The following ZBTB41 variants were observed in gnomAD, a reference collection of about 807,000 sequenced individuals.
The protein encoded by ZBTB41 is zinc finger and BTB domain-containing protein 41.
ZBTB41 carries 42 observed loss-of-function variants against 87.6 expected under a neutral mutation model. That is an observed-to-expected ratio of 0.48 (90% CI 0.37 to 0.62). ZBTB41 has a LOEUF of 0.62. Ranked by LOEUF, ZBTB41 falls within the 20% of genes least tolerant of loss-of-function variation. The pLI, the probability that ZBTB41 is intolerant of heterozygous loss-of-function variation, is 0.00. For missense variants in ZBTB41, 799 were observed against 1,078.9 expected (o/e 0.74, Z 3.63); for synonymous variants, 364 against 364.0 (o/e 1.00, Z 0.00).
At chr1:197,196,779 A>T (rs1159059825) in intron 2 of ZBTB41, among the ~76,000 whole-genome samples, 1 of 152,056 alleles carries the variant, frequency 6.6e-6, no homozygotes, top group Non-Finnish European at 1.5e-5. Flanking sequence ...CCTTGAAACC[A>T]CTCACACTTG....
intron 2 of ZBTB41, among the ~76,000 whole-genome samples, chr1:197,196,904 C>T (rs1660177244): frequency 6.6e-6 from 1 of 151,922 alleles, no homozygotes; most frequent in Non-Finnish European, 1.5e-5. Flanking sequence ...CTCTGAGACA[C>T]TTCTCCTGAT....
chr1:197,172,038 G>T, intron 10 of ZBTB41, 122 bp downstream of exon 10: 1 of 357,934 alleles, frequency 2.8e-6, no homozygotes. Context: ...AATCTTAATG[G>T]GGAAAACCAA....
chr1:197,193,382 A>G (rs770061640), intron 2 of ZBTB41, among the ~76,000 whole-genome samples: 12 of 151,814 alleles, frequency 7.9e-5, no homozygotes, highest in Admixed American at 5.2e-4. Context: ...ACAAAAAAAC[A>G]AACAAAAAAA....
Position 197,199,865 on chromosome 1 carries a change from T to C in ZBTB41, c.609A>G (p.Leu203=), listed in dbSNP as rs751394444. The C allele has an allele frequency of 6.2e-7, 1 of 1,609,844 alleles. No individual in the cohort carries two copies. Among genetic ancestry groups the C allele is most frequent in the Admixed American group, 1.7e-5 (1 of 59,178 alleles). ...AGAATTTGCACTGATGATTATTTGA[T>C]AGTCTTCCAGTTAATTCATTTAGTG... The part of the protein sequence containing the change: ...EETLNELTGR[L]SNNHQCKFCS... The change falls in exon 2 of 11, where the codon CTA becomes CTG. Residue 203 remains leucine (L), a synonymous_variant. Coordinates refer to ENST00000367405, the MANE Select transcript of ZBTB41 (RefSeq NM_194314.3).
In ZBTB41 at chr1:197,155,859, T is replaced by G. The variant is rs1571640346; in HGVS notation, c.*3500A>C. On this transcript the variant is annotated 3_prime_UTR_variant, in exon 11 of 11. Transcript: ENST00000367405. ...ACTTAAATGTATGCAAAGACTACTA[T>G]CTTTACAGTTGGTTAAATCTTGCTG... The G allele has an allele frequency of 1.3e-5, 2 of 152,428 alleles. No individual in the cohort carries two copies. Among genetic ancestry groups the G allele is most frequent in the East Asian group, 3.9e-4 (2 of 5,180 alleles). 9.4% of individuals were successfully genotyped at this position (152,428 alleles called of 1,614,324 possible).
intron 4 of ZBTB41, among the ~76,000 whole-genome samples, chr1:197,189,092 G>A (rs1659956739): frequency 6.6e-6 from 1 of 152,148 alleles, no homozygotes; most frequent in Non-Finnish European, 1.5e-5. Context: ...ATCTTATGCA[G>A]ACTAAAATAC....
In ZBTB41 at chr1:197,159,621, T is replaced by C; in HGVS notation, c.2468A>G (p.Asp823Gly). The change falls in exon 11 of 11, where the codon GAC (aspartate) becomes GGC (glycine). Residue 823 changes from aspartate to glycine, a missense_variant. Physicochemically the swap from Asp to Gly is moderately conservative, Grantham distance 94. Around this residue, in one of 5 missense-constraint regions of ZBTB41, gnomAD observed 171 missense variants for 191.9 expected, o/e 0.89. Coordinates refer to ENST00000367405, the MANE Select transcript of ZBTB41 (RefSeq NM_194314.3). ...VPVQMPDTPS[D>G]LVRHTTTLPP... Reference sequence around the variant, plus strand: ...GAGTGTGGTAGTATGACGCACTAGGTCACTCGGAGTGTCAGGCATCTGAAC... The same window carrying C: ...GAGTGTGGTAGTATGACGCACTAGGCCACTCGGAGTGTCAGGCATCTGAAC... 1.2e-6 allele frequency: 2 copies of C among 1,613,962 alleles called. No individual in the cohort carries two copies. Among genetic ancestry groups the C allele is most frequent in the South Asian group, 1.1e-5 (1 of 91,076 alleles).
At chr1:197,172,908 T>G (rs1348548328) in intron 9 of ZBTB41, among the ~76,000 whole-genome samples, 1 of 152,112 alleles carries the variant, frequency 6.6e-6, no homozygotes, top group Admixed American at 6.6e-5. Flanking sequence ...ATTTTATACC[T>G]AAATTTAAAA....
intron 6 of ZBTB41, among the ~76,000 whole-genome samples, chr1:197,178,916 A>G (rs1659676946): frequency 1.3e-5 from 2 of 152,170 alleles, no homozygotes; most frequent in African/African-American, 2.4e-5. Context: ...ATTTATTGAA[A>G]AAATGTTTTA....
intron 6 of ZBTB41, among the ~76,000 whole-genome samples, chr1:197,178,713 A>G (rs1349731671): frequency 2.6e-5 from 4 of 152,114 alleles, no homozygotes; most frequent in African/African-American, 9.7e-5. Flanking sequence ...AAAACAAAAA[A>G]TACTTCGGCC....
At chr1:197,194,020 C>T (rs992976469) in intron 2 of ZBTB41, among the ~76,000 whole-genome samples, 2 of 151,794 alleles carry the variant, frequency 1.3e-5, no homozygotes, top group African/African-American at 4.8e-5. Flanking sequence ...ATCTTCTCAT[C>T]TTTCTTTCTT....
At chr1:197,171,268 C>CT (rs1187289730) in intron 10 of ZBTB41, among the ~76,000 whole-genome samples, 1 of 152,002 alleles carries the variant, frequency 6.6e-6, no homozygotes, top group Admixed American at 6.6e-5. Flanking sequence ...CAAATTATGC[C>CT]TTTTTTTATT....
chr1:197,181,016 A>AGC lies in ZBTB41; in HGVS notation c.1646_1647dup (p.Phe550AlafsTer14). The AGC allele has an allele frequency of 6.3e-7, 1 of 1,599,980 alleles. No homozygotes were observed. Among genetic ancestry groups the AGC allele is most frequent in the Non-Finnish European group, 8.5e-7 (1 of 1,176,674 alleles). On this transcript the variant is annotated frameshift_variant, in exon 6 of 11. Transcript: ENST00000367405. LOFTEE classifies it high-confidence loss of function. ...TCTCGTACTGATTTTCCACAGATAA[A>AGC]GCAAGTCCATTTTCTCTTTCCACCA...
chr1:197,190,656 G>T, intron 4 of ZBTB41, 106 bp downstream of exon 4: 1 of 633,594 alleles, frequency 1.6e-6, no homozygotes, highest in South Asian at 2.0e-5. Flanking sequence ...AATTCTAAAA[G>T]TGAGATAAGC....
intron 10 of ZBTB41, among the ~76,000 whole-genome samples, chr1:197,164,932 TTA>T (rs1289377206): frequency 9.3e-5 from 5 of 53,868 alleles, no homozygotes; most frequent in African/African-American, 2.6e-4. Context: ...ATCTAATATA[TTA>T]TATATATTAT....
chr1:197,200,451 GT>G lies in ZBTB41; in HGVS notation c.22del (p.Thr8LeufsTer9). The G allele has an allele frequency of 1.3e-6, 2 of 1,598,544 alleles. No individual in the cohort carries two copies. On this transcript the variant is annotated frameshift_variant, in exon 2 of 11. Coordinates refer to ENST00000367405, the MANE Select transcript of ZBTB41 (RefSeq NM_194314.3). LOFTEE classifies it high-confidence loss of function. ...TAGATGGATCTTCTCAAGATTTGAAGTAACCTTTCTCCTCTTCTTCATTGCA... is the reference window on the plus strand; with the variant it reads ...TAGATGGATCTTCTCAAGATTTGAAGAACCTTTCTCCTCTTCTTCATTGCA... MKKRRKV[T>X]SNLEKIHLGY...
chr1:197,176,113 C>A, intron 8 of ZBTB41: 1 of 155,906 alleles, frequency 6.4e-6, no homozygotes, highest in Non-Finnish European at 1.4e-5. Flanking sequence ...TCTCCAAAGA[C>A]AGGGTTTCAA....
chr1:197,154,322 T>C lies in ZBTB41; in HGVS notation c.*5037A>G, dbSNP rs1659013448. ...AAGAATTTGACCAAACAAGGTTATA[T>C]TCTTTGTATAACCTCTGTGCTCTAA... On this transcript the variant is annotated 3_prime_UTR_variant, in exon 11 of 11. Transcript: ENST00000367405. 1 of 152,364 alleles carries C rather than the reference T, an allele frequency of 6.6e-6. No individual in the cohort carries two copies. Among genetic ancestry groups the C allele is most frequent in the Non-Finnish European group, 1.5e-5 (1 of 67,976 alleles). The allele number at this position is 152,364 out of a possible 1,614,324, so 9.4% of individuals were successfully genotyped here.
rs1660242057 is a variant in ZBTB41 at position 197,199,384 on chromosome 1, G to T, written c.1090C>A (p.Pro364Thr). The change falls in exon 2 of 11, where the codon CCT becomes ACT. Residue 364 changes from proline (P) to threonine (T), a missense_variant. By Grantham distance (38) the Pro-to-Thr change is conservative. Around this residue, in one of 5 missense-constraint regions of ZBTB41, gnomAD observed 294 missense variants for 340.1 expected, o/e 0.86. Transcript: ENST00000367405. ...CGGTCAAATGTTTTATCACATTTAG[G>T]ACACTGCAATATTTTTTTGTTGCTG... ...QNSNKKILQC[P>T]KCDKTFDRIG... 1 of 1,577,090 alleles carries T rather than the reference G, an allele frequency of 6.3e-7. No homozygotes were observed. Among genetic ancestry groups the T allele is most frequent in the Admixed American group, 2.0e-5 (1 of 51,274 alleles).
Sources: gnomAD v4.1 joint callset for allele counts (sites outside exome capture counted in the v4.1 genomes callset) on GRCh38, gnomAD v4.1.1 for gene constraint, gnomAD v4.1.1 regional missense constraint, MANE v1.5 for transcripts, NCBI Gene and HGNC (gene_info 2026-07-23, HGNC 2026-07-21) for gene names.